PTPRD: variants seen among roughly 807,000 people sequenced by gnomAD.
PTPRD encodes the protein protein tyrosine phosphatase receptor type D, also known as receptor-type tyrosine-protein phosphatase delta.
A neutral mutation model predicts 214.5 loss-of-function variants in PTPRD; 34 were observed. The ratio of observed to expected loss-of-function variants is 0.16; its 90% CI spans 0.12 to 0.21. PTPRD has a LOEUF of 0.21. Ranked by LOEUF, PTPRD falls within the 10% of genes least tolerant of loss-of-function variation. The probability of loss-of-function intolerance (pLI) is 1.00; values close to 1 mark genes in which losing one functional copy is unlikely to be tolerated. For missense variants in PTPRD, 2,545 were observed against 2,398.7 expected (o/e 1.06, Z -1.27); for synonymous variants, 1,128 against 845.7 (o/e 1.33, Z -5.79).
intron 27 of PTPRD, among the ~76,000 whole-genome samples, chr9:8,491,731 G>C (rs1288972665): frequency 6.6e-6 from 1 of 150,882 alleles, no homozygotes; most frequent in Non-Finnish European, 1.5e-5. Context: ...CCTGCTGTTT[G>C]AGGCAATTCC....
Position 8,666,720 on chromosome 9 carries a change from C to A in PTPRD, c.65-29876G>T, listed in dbSNP as rs140535707. Reference sequence around the variant, plus strand: ...AACACACTAAACTCTATTATTTCTACATCCCAGTAGTTTCCAGTATAATGA... The same window carrying A: ...AACACACTAAACTCTATTATTTCTAAATCCCAGTAGTTTCCAGTATAATGA... On this transcript the variant is annotated intron_variant, in intron 12 of 45. Coordinates refer to ENST00000381196, the MANE Select transcript of PTPRD (RefSeq NM_002839.4). Among the ~76,000 whole-genome samples the A allele has an allele frequency of 1.2e-3, 187 of 152,292 alleles. 1 individual carries two copies. The highest frequency in any genetic ancestry group is 4.3e-3 in the African/African-American group (177 of 41,566).
chr9:9,161,397 A>G (rs1413211648), intron 10 of PTPRD, among the ~76,000 whole-genome samples: 1 of 152,144 alleles, frequency 6.6e-6, no homozygotes, highest in Admixed American at 6.6e-5. Flanking sequence ...TCTTTTTCAT[A>G]TATGGGGCAC....
intron 2 of PTPRD, among the ~76,000 whole-genome samples, chr9:10,579,440 A>G (rs1257488607): frequency 1.3e-5 from 2 of 152,138 alleles, no homozygotes; most frequent in Non-Finnish European, 2.9e-5. Context: ...TGCAAAGAAC[A>G]TGATTTTGTT....
chr9:9,668,402 C>A (rs541589772), intron 7 of PTPRD, among the ~76,000 whole-genome samples: 2 of 152,088 alleles, frequency 1.3e-5, no homozygotes, highest in African/African-American at 4.8e-5. Flanking sequence ...CTAAATTAGG[C>A]CTGATTTGGT....
At chr9:8,660,757 G>A (rs969198463) in intron 12 of PTPRD, among the ~76,000 whole-genome samples, 2 of 152,124 alleles carry the variant, frequency 1.3e-5, no homozygotes, top group African/African-American at 4.8e-5. Flanking sequence ...CCTCAAAGAA[G>A]TAAGGTTTTA....
chr9:10,491,707 G>A (rs933287200), intron 2 of PTPRD, among the ~76,000 whole-genome samples: 6 of 151,544 alleles, frequency 4.0e-5, no homozygotes, highest in South Asian at 4.2e-4. Context: ...AATTTTCAGG[G>A]TTTCTTTCTT....
chr9:10,041,154 A>C (rs1002319423), intron 3 of PTPRD, among the ~76,000 whole-genome samples: 5 of 152,106 alleles, frequency 3.3e-5, no homozygotes, highest in Non-Finnish European at 5.9e-5. Context: ...AGTGAAAGAA[A>C]ACAGCTTTTA....
intron 9 of PTPRD, among the ~76,000 whole-genome samples, chr9:9,214,876 T>C (rs934320989): frequency 3.9e-5 from 6 of 152,158 alleles, no homozygotes; most frequent in African/African-American, 7.2e-5. Flanking sequence ...GATGAAGGAA[T>C]TAAAGCCCAG....
chr9:10,453,997 T>C (rs1421441244), intron 2 of PTPRD, among the ~76,000 whole-genome samples: 2 of 151,666 alleles, frequency 1.3e-5, no homozygotes, highest in African/African-American at 2.4e-5. Context: ...TAAAGTTCTT[T>C]TGTGATTTAA....
rs574766692 is a variant in PTPRD at position 10,507,720 on chromosome 9, T to C, written c.-600+104678A>G. On this transcript the variant is annotated intron_variant, in intron 2 of 45. Coordinates refer to ENST00000381196, the MANE Select transcript of PTPRD (RefSeq NM_002839.4). ...GGGAAAGGAGTCGCTATTTAATAAA[T>C]GGTGCTGGGAAAACTGGCTAGCCAT... 7.0e-4 allele frequency among the ~76,000 whole-genome samples: 106 copies of C among 152,230 alleles called. 1 individual carries two copies. Among genetic ancestry groups the C allele is most frequent in the Middle Eastern group, 6.8e-3 (2 of 294 alleles).
chr9:8,872,528 A>C (rs2098320200), intron 11 of PTPRD, among the ~76,000 whole-genome samples: 2 of 152,168 alleles, frequency 1.3e-5, no homozygotes, highest in Non-Finnish European at 2.9e-5. Context: ...TTTTGGCCAT[A>C]ATTATACTTT....
At chr9:10,557,633 T>C (rs2062913327) in intron 2 of PTPRD, among the ~76,000 whole-genome samples, 1 of 152,140 alleles carries the variant, frequency 6.6e-6, no homozygotes. Context: ...TGTTCCTGGT[T>C]CAAATTTTCA....
At chr9:10,421,641 A>G (rs1420708924) in intron 2 of PTPRD, among the ~76,000 whole-genome samples, 1 of 151,906 alleles carries the variant, frequency 6.6e-6, no homozygotes, top group East Asian at 1.9e-4. Context: ...ATATATCAAA[A>G]AGGTATCATT....
intron 12 of PTPRD, among the ~76,000 whole-genome samples, chr9:8,689,308 G>A (rs375670948): frequency 1.3e-5 from 2 of 152,188 alleles, no homozygotes; most frequent in East Asian, 3.8e-4. Flanking sequence ...TTTTCCCTCT[G>A]TACTAATTAG....
intron 11 of PTPRD, among the ~76,000 whole-genome samples, chr9:8,889,423 G>C (rs1462921953): frequency 6.6e-6 from 1 of 152,098 alleles, no homozygotes; most frequent in Non-Finnish European, 1.5e-5. Context: ...ATCATACACT[G>C]AGATCACCCA....
rs2136807379 is a variant in PTPRD at position 8,499,669 on chromosome 9, T to A, written c.2300A>T (p.Asp767Val). 6.2e-7 allele frequency: 1 copy of A among 1,613,726 alleles called. No individual in the cohort carries two copies. The highest frequency in any genetic ancestry group is 8.5e-7 in the Non-Finnish European group (1 of 1,179,822). Reference sequence around the variant, plus strand: ...TACCTGTGCATCAGCCAGCATGACATCTTTCAGCATGGGCTGGCCCTTGGG... The same window carrying A: ...TACCTGTGCATCAGCCAGCATGACAACTTTCAGCATGGGCTGGCCCTTGGG... Reference protein sequence around the residue: ...GEPKGQPMLKDVMLADAQWEF... With the variant: ...GEPKGQPMLKVVMLADAQWEF... The change falls in exon 25 of 46, where the codon GAT becomes GTT. Residue 767 changes from aspartate (D) to valine (V), a missense_variant. By Grantham distance (152) the Asp-to-Val change is radical. Transcript: ENST00000381196.
chr9:8,879,994 C>T (rs2098428764), intron 11 of PTPRD, among the ~76,000 whole-genome samples: 1 of 152,152 alleles, frequency 6.6e-6, no homozygotes, highest in Admixed American at 6.5e-5. Context: ...TCAGAGTTTT[C>T]AATTTAAACA....
At chr9:9,136,945 A>T (rs1255031376) in intron 10 of PTPRD, among the ~76,000 whole-genome samples, 1 of 152,132 alleles carries the variant, frequency 6.6e-6, no homozygotes, top group South Asian at 2.1e-4. Flanking sequence ...TTGCTCAGGG[A>T]TAAACTAGAT....
At chr9:8,596,527 G>A (rs2094486622) in intron 14 of PTPRD, among the ~76,000 whole-genome samples, 1 of 151,990 alleles carries the variant, frequency 6.6e-6, no homozygotes, top group Non-Finnish European at 1.5e-5. Flanking sequence ...GCCTGCAGAG[G>A]AGCAGAAACA....
Sources: gnomAD v4.1 joint callset for allele counts (sites outside exome capture counted in the v4.1 genomes callset) on GRCh38, gnomAD v4.1.1 for gene constraint, MANE v1.5 for transcripts, NCBI Gene and HGNC (gene_info 2026-07-23, HGNC 2026-07-21) for gene names.